Variants in EPHA6 observed in about 807,000 individuals in gnomAD.
EPHA6 encodes the protein EPH receptor A6, also known as ephrin type-A receptor 6.
Under a neutral mutation model 112.0 loss-of-function variants are expected in EPHA6, and 50 were observed. The observed-to-expected ratio is 0.45, with a 90% CI of 0.36 to 0.56. The LOEUF (loss-of-function observed/expected upper bound fraction) is 0.56. Among genes scored for constraint, EPHA6 ranks in the 20% least tolerant of loss-of-function variants. The pLI is 0.00. For synonymous variants in EPHA6, 529 were observed against 490.7 expected (o/e 1.08, Z -1.03); for missense variants, 1,280 against 1,417.4 (o/e 0.90, Z 1.56).
intron 3 of EPHA6, among the ~76,000 whole-genome samples, chr3:97,077,815 C>T (rs1437219442): frequency 2.6e-5 from 4 of 152,050 alleles, no homozygotes; most frequent in Non-Finnish European, 4.4e-5. Flanking sequence ...TGGCTTGGTT[C>T]CAAGTCTTTG....
At chr3:97,452,294 T>G (rs1399012731) in intron 7 of EPHA6, among the ~76,000 whole-genome samples, 2 of 151,836 alleles carry the variant, frequency 1.3e-5, no homozygotes, top group Admixed American at 1.3e-4. Flanking sequence ...ACTGGAGCTA[T>G]TGGTTTCCCC....
Position 97,761,326 on chromosome 3 carries a change from G to A in EPHA6, c.*12625G>A, listed in dbSNP as rs2036162497. On this transcript the variant is annotated 3_prime_UTR_variant, in exon 18 of 18. Coordinates refer to ENST00000389672, the MANE Select transcript of EPHA6 (RefSeq NM_001080448.3). ...GTTTGTGGTGAATTGCATAACATAT[G>A]TCATCTATTTGCTGAAAGAATATGC... 5.2e-6 allele frequency: 1 copy of A among 191,494 alleles called. No homozygotes were observed. Among genetic ancestry groups the A allele is most frequent in the Admixed American group, 6.1e-5 (1 of 16,282 alleles). The allele number at this position is 191,494 out of a possible 1,614,324, so 11.9% of individuals were successfully genotyped here.
At chr3:97,496,232 T>C (rs1171195579) in intron 10 of EPHA6, among the ~76,000 whole-genome samples, 1 of 152,110 alleles carries the variant, frequency 6.6e-6, no homozygotes, top group Admixed American at 6.6e-5. Flanking sequence ...GATATTCTCT[T>C]CCTGCCAAAA....
At chr3:97,548,031 T>C (rs1308616698) in intron 11 of EPHA6, among the ~76,000 whole-genome samples, 1 of 148,896 alleles carries the variant, frequency 6.7e-6, no homozygotes, top group Non-Finnish European at 1.5e-5. Flanking sequence ...AGGTGACGCC[T>C]CGCCCTGCTT....
rs1280213493 is a variant in EPHA6 at position 97,479,338 on chromosome 3, G to GAAGAA, written c.2050_2054dup (p.Asn685LysfsTer29). On this transcript the variant is annotated frameshift_variant, in exon 9 of 18. Coordinates refer to ENST00000389672, the MANE Select transcript of EPHA6 (RefSeq NM_001080448.3). LOFTEE classifies it high-confidence loss of function. ...GCCAAGATGAAGTCAGAAGAGAAGA[G>GAAGAA]AAGAAACCACTTACAGAATGGGCAT... is the stretch of plus-strand genomic sequence containing the variant. 1 of 1,606,014 alleles carries GAAGAA rather than the reference G, an allele frequency of 6.2e-7. No individual in the cohort carries two copies. Among genetic ancestry groups the GAAGAA allele is most frequent in the Non-Finnish European group, 8.5e-7 (1 of 1,177,298 alleles).
intron 2 of EPHA6, among the ~76,000 whole-genome samples, chr3:96,921,434 G>A (rs2039758160): frequency 6.6e-6 from 1 of 151,972 alleles, no homozygotes; most frequent in Admixed American, 6.6e-5. Context: ...TTCTCCTAAA[G>A]TGTGTTGTTA....
At chr3:97,611,094 G>GTA (rs1255311015) in intron 13 of EPHA6, among the ~76,000 whole-genome samples, 3 of 151,666 alleles carry the variant, frequency 2.0e-5, no homozygotes, top group African/African-American at 7.3e-5. Context: ...ATATGTGTGT[G>GTA]TATATATATG....
chr3:97,332,163 A>AT (rs1444812062), intron 5 of EPHA6, among the ~76,000 whole-genome samples: 1 of 152,110 alleles, frequency 6.6e-6, no homozygotes, highest in African/African-American at 2.4e-5. Flanking sequence ...AAACCACATG[A>AT]TTTTCTCAAT....
intron 3 of EPHA6, among the ~76,000 whole-genome samples, chr3:97,219,409 C>A (rs554542597): frequency 2.9e-4 from 44 of 152,296 alleles, no homozygotes; most frequent in African/African-American, 1.0e-3. Context: ...TTCCATACAT[C>A]CTCTGAAATC....
chr3:97,308,554 C>G (rs2081419104), intron 5 of EPHA6, among the ~76,000 whole-genome samples: 1 of 151,724 alleles, frequency 6.6e-6, no homozygotes. Context: ...TCTTATCCCT[C>G]TATTAACTCC....
intron 13 of EPHA6, among the ~76,000 whole-genome samples, chr3:97,620,481 A>T (rs145299709): frequency 0.011 from 1,648 of 152,208 alleles, 35 homozygotes; most frequent in African/African-American, 0.038. Context: ...TAAATGGACA[A>T]CCTACAGAAT....
chr3:96,863,441 T>C (rs1160231837), intron 1 of EPHA6, among the ~76,000 whole-genome samples: 1 of 151,952 alleles, frequency 6.6e-6, no homozygotes, highest in Non-Finnish European at 1.5e-5. Flanking sequence ...TACATATCTC[T>C]AAAATTCTAA....
chr3:97,207,052 A>G (rs1193524060), intron 3 of EPHA6, among the ~76,000 whole-genome samples: 1 of 152,120 alleles, frequency 6.6e-6, no homozygotes, highest in African/African-American at 2.4e-5. Context: ...CTTCAACATA[A>G]AAGTGTATAT....
rs529012398 is a variant in EPHA6 at position 97,742,086 on chromosome 3, G to A, written c.3129-5337G>A. ...TAACATCACATAATTCCAGAATTAC[G>A]TCCTCAGGCATTTCTGTAGATTGAA... On this transcript the variant is annotated intron_variant, in intron 16 of 17. Coordinates refer to ENST00000389672, the MANE Select transcript of EPHA6 (RefSeq NM_001080448.3). 7.9e-5 allele frequency among the ~76,000 whole-genome samples: 12 copies of A among 152,152 alleles called. No individual in the cohort carries two copies. In the East Asian group the frequency reaches 1.7e-3, roughly 22 times the overall value.
intron 13 of EPHA6, among the ~76,000 whole-genome samples, chr3:97,614,809 C>A (rs889534451): frequency 2.6e-5 from 4 of 151,866 alleles, no homozygotes; most frequent in African/African-American, 7.3e-5. Flanking sequence ...TGGCTGGGAG[C>A]AAGAAAAGTG....
chr3:97,202,393 C>T (rs989649983), intron 3 of EPHA6, among the ~76,000 whole-genome samples: 2 of 150,956 alleles, frequency 1.3e-5, no homozygotes, highest in Non-Finnish European at 2.9e-5. Context: ...CTCTGTCACT[C>T]AGGCTAGAGT....
At chr3:97,544,691 G>A (rs2092919641) in intron 11 of EPHA6, among the ~76,000 whole-genome samples, 1 of 152,124 alleles carries the variant, frequency 6.6e-6, no homozygotes, top group African/African-American at 2.4e-5. Context: ...TGTACCTCTG[G>A]TAGAATTCGG....
intron 2 of EPHA6, among the ~76,000 whole-genome samples, chr3:96,930,103 G>T (rs894365190): frequency 2.6e-4 from 39 of 152,124 alleles, no homozygotes; most frequent in African/African-American, 9.2e-4. Flanking sequence ...GGCTATTTTG[G>T]TTGTCAGCTC....
At chr3:97,212,047 T>C (rs1282658016) in intron 3 of EPHA6, among the ~76,000 whole-genome samples, 1 of 152,070 alleles carries the variant, frequency 6.6e-6, no homozygotes, top group African/African-American at 2.4e-5. Context: ...TTTTTCTTTA[T>C]CCATAAAAGC....
Sources: allele counts gnomAD v4.1 joint callset (sites outside exome capture counted in the v4.1 genomes callset), GRCh38; gene constraint gnomAD v4.1.1; transcripts MANE v1.5; gene names NCBI Gene and HGNC (gene_info 2026-07-23, HGNC 2026-07-21).